The following ZZZ3 variants were observed in gnomAD, a reference collection of about 807,000 sequenced individuals.
The protein encoded by ZZZ3 is ZZ-type zinc finger-containing protein 3.
In ZZZ3, 22 loss-of-function variants were observed where a neutral mutation model predicts 95.2. That is an observed-to-expected ratio of 0.23 (90% confidence interval 0.17 to 0.33). The LOEUF (loss-of-function observed/expected upper bound fraction) is 0.33. Among genes scored for constraint, ZZZ3 ranks in the 10% least tolerant of loss-of-function variants. The pLI is 1.00. For missense variants in ZZZ3, 885 were observed against 1,066.5 expected, an observed-to-expected ratio of 0.83 and a Z score of 2.37; for synonymous variants, 335 against 358.9, an observed-to-expected ratio of 0.93 and a Z score of 0.75.
chr1:77,671,841 C>T lies in ZZZ3; in HGVS notation c.-403+10744G>A, dbSNP rs571359913. On this transcript the variant is annotated intron_variant, in intron 1 of 14. Transcript: ENST00000370801. The stretch of plus-strand genomic sequence containing the variant: ...GTAGTTCCCTCCCCACATCCACAAG[C>T]GATACATTCCAAGATCCCCAGTAGA... Among the ~76,000 whole-genome samples the T allele has an allele frequency of 3.8e-4, 58 of 152,142 alleles. 2 individuals carry two copies. In the South Asian group the frequency reaches 0.01, roughly 27 times the overall value.
chr1:77,651,332 T>C (rs542770704), intron 1 of ZZZ3, among the ~76,000 whole-genome samples: 6 of 152,212 alleles, frequency 3.9e-5, no homozygotes, highest in African/African-American at 1.4e-4. Context: ...TGAACCAAGA[T>C]CACGCCACTG....
chr1:77,605,994 G>C (rs1570483344), intron 5 of ZZZ3, among the ~76,000 whole-genome samples: 1 of 152,066 alleles, frequency 6.6e-6, no homozygotes, highest in East Asian at 1.9e-4. Flanking sequence ...TGTACCTTAA[G>C]TATCAGCTCA....
At chr1:77,650,539 T>A (rs1669706663) in intron 1 of ZZZ3, among the ~76,000 whole-genome samples, 1 of 151,866 alleles carries the variant, frequency 6.6e-6, no homozygotes, top group East Asian at 1.9e-4. Flanking sequence ...TCAAAGGGAA[T>A]TAATGCAGCA....
intron 1 of ZZZ3, among the ~76,000 whole-genome samples, chr1:77,647,381 T>C (rs563020227): frequency 7.2e-5 from 11 of 152,220 alleles, no homozygotes; most frequent in African/African-American, 2.6e-4. Flanking sequence ...TAGCAGGGCA[T>C]GGTGGTGCAC....
At chr1:77,665,960 G>T (rs1671211332) in intron 1 of ZZZ3, among the ~76,000 whole-genome samples, 2 of 152,184 alleles carry the variant, frequency 1.3e-5, no homozygotes, top group South Asian at 4.1e-4. Context: ...AGAATCGCTT[G>T]AACCCAGAAG....
intron 4 of ZZZ3, among the ~76,000 whole-genome samples, chr1:77,638,706 T>C (rs1232702356): frequency 6.6e-6 from 1 of 152,190 alleles, no homozygotes; most frequent in African/African-American, 2.4e-5. Flanking sequence ...CTGGTCATGA[T>C]ACCAGAATAT....
intron 1 of ZZZ3, among the ~76,000 whole-genome samples, chr1:77,654,332 T>G (rs1253633681): frequency 6.6e-6 from 1 of 151,868 alleles, no homozygotes; most frequent in Non-Finnish European, 1.5e-5. Flanking sequence ...CTACCCAAAC[T>G]CTTCTAGAAA....
chr1:77,577,583 C>A (rs1227627099), intron 11 of ZZZ3, among the ~76,000 whole-genome samples: 1 of 151,932 alleles, frequency 6.6e-6, no homozygotes, highest in African/African-American at 2.4e-5. Context: ...TGTAAAATTA[C>A]ATGAAATAGC....
At chr1:77,612,786 G>C (rs944558571) in intron 5 of ZZZ3, among the ~76,000 whole-genome samples, 2 of 151,896 alleles carry the variant, frequency 1.3e-5, no homozygotes, top group Admixed American at 6.6e-5. Flanking sequence ...CCACTGGCAG[G>C]GGGGTGGGGA....
intron 1 of ZZZ3, among the ~76,000 whole-genome samples, chr1:77,674,404 A>G (rs1216321129): frequency 6.6e-6 from 1 of 152,220 alleles, no homozygotes; most frequent in Non-Finnish European, 1.5e-5. Context: ...AAATAAAATA[A>G]TTCTGTGGTA....
At chr1:77,585,985 G>C (rs1373029081) in intron 5 of ZZZ3, among the ~76,000 whole-genome samples, 1 of 152,188 alleles carries the variant, frequency 6.6e-6, no homozygotes, top group Non-Finnish European at 1.5e-5. Context: ...CTCCTCTCCA[G>C]CTAGAGATAT....
At chr1:77,637,330 G>A (rs1668394534) in intron 4 of ZZZ3, among the ~76,000 whole-genome samples, 1 of 152,082 alleles carries the variant, frequency 6.6e-6, no homozygotes, top group South Asian at 2.1e-4. Context: ...GTGCACTTGA[G>A]GTAATAAACT....
Position 77,582,108 on chromosome 1 carries a change from A to G in ZZZ3, c.1663T>C (p.Tyr555His). 1 of 1,609,396 alleles carries G rather than the reference A, an allele frequency of 6.2e-7. No individual in the cohort carries two copies. The highest frequency in any genetic ancestry group is 1.1e-5 in the South Asian group (1 of 89,288). ...GGCAATTGAACAACTCTCTGTGGAT[A>G]TGGAAGCCCAATATCAGCCTGGAGG... ...LQKKADIGLP[Y>H]PQRVVQLPEI... is the part of the protein sequence containing the mutation. Residue 555 changes from tyrosine (Y) to histidine (H), a missense_variant, in exon 7 of 15, where the codon TAT becomes CAT. Physicochemically the swap from Tyr to His is moderately conservative, Grantham distance 83 (BLOSUM62 2). Coordinates refer to ENST00000370801, the MANE Select transcript of ZZZ3 (RefSeq NM_015534.6).
chr1:77,670,760 C>CA lies in ZZZ3; in HGVS notation c.-403+11824dup, dbSNP rs369356150. 3.9e-3 allele frequency among the ~76,000 whole-genome samples: 488 copies of CA among 126,586 alleles called. 2 individuals are homozygous for CA. The highest frequency in any genetic ancestry group is 0.011 in the African/African-American group (376 of 34,112). The allele number at this position is 126,586 out of a possible 152,430, so 83.0% of individuals were successfully genotyped here. On this transcript the variant is annotated intron_variant, in intron 1 of 14. Transcript: ENST00000370801. The stretch of plus-strand genomic sequence containing the variant: ...CTGTTTTTTTTTAAACAAAACAAAA[C>CA]AAAAAAAAAACACCCTGACAAACAG...
At chr1:77,606,288 T>C (rs922435882) in intron 5 of ZZZ3, among the ~76,000 whole-genome samples, 2 of 152,172 alleles carry the variant, frequency 1.3e-5, no homozygotes, top group African/African-American at 2.4e-5. Flanking sequence ...GGAAGCACCA[T>C]GTCTCATGGT....
intron 12 of ZZZ3, among the ~76,000 whole-genome samples, chr1:77,569,821 A>G (rs1661196411): frequency 6.6e-6 from 1 of 152,032 alleles, no homozygotes; most frequent in African/African-American, 2.4e-5. Context: ...TCTAATCACT[A>G]TTCTGCTTCC....
intron 5 of ZZZ3, among the ~76,000 whole-genome samples, chr1:77,585,303 G>A (rs1662975326): frequency 6.6e-6 from 1 of 152,074 alleles, no homozygotes; most frequent in Admixed American, 6.5e-5. Context: ...TGCTTGCAAA[G>A]GTCCATTTGG....
chr1:77,602,666 C>A (rs992835801), intron 5 of ZZZ3, among the ~76,000 whole-genome samples: 8 of 135,618 alleles, frequency 5.9e-5, no homozygotes, highest in Admixed American at 2.6e-4. Flanking sequence ...AGTGCAATGG[C>A]GTGATCAGGG....
At chr1:77,644,796 T>C (rs1347480742) in intron 1 of ZZZ3, among the ~76,000 whole-genome samples, 2 of 152,238 alleles carry the variant, frequency 1.3e-5, no homozygotes, top group Admixed American at 6.5e-5. Context: ...AATCACCTCA[T>C]AAATTCAGAT....
Sources: gnomAD v4.1 joint callset for allele counts (sites outside exome capture counted in the v4.1 genomes callset) on GRCh38, gnomAD v4.1.1 for gene constraint, MANE v1.5 for transcripts, NCBI Gene and HGNC (gene_info 2026-07-23, HGNC 2026-07-21) for gene names.